Variants in OPRK1 observed in about 807,000 individuals in gnomAD.
OPRK1 encodes kappa-type opioid receptor.
Under a neutral mutation model 24.5 loss-of-function variants are expected in OPRK1, and 15 were observed. The observed-to-expected ratio is 0.61, with a 90% CI of 0.41 to 0.94. The LOEUF (loss-of-function observed/expected upper bound fraction) is 0.94. OPRK1 is among the 40% of genes least tolerant of loss of function. The pLI, the probability that OPRK1 is intolerant of heterozygous loss-of-function variation, is 0.00. For missense variants in OPRK1, 479 were observed against 507.3 expected, an observed-to-expected ratio of 0.94 and a Z score of 0.54; for synonymous variants, 205 against 198.0, an observed-to-expected ratio of 1.04 and a Z score of -0.30.
In OPRK1 at chr8:53,227,447, A is replaced by G. The variant is rs1033122416; in HGVS notation, c.*1850T>C. Reference sequence around the variant, plus strand: ...TTCACCAGGGCTTGTTTCTGGAACTATCCTCTATATAGATATCCTTCCTGT... The same window carrying G: ...TTCACCAGGGCTTGTTTCTGGAACTGTCCTCTATATAGATATCCTTCCTGT... On this transcript the variant is annotated 3_prime_UTR_variant, in exon 4 of 4. Coordinates refer to ENST00000265572, the MANE Select transcript of OPRK1 (RefSeq NM_000912.5). 1.3e-5 allele frequency: 2 copies of G among 152,200 alleles called. No individual in the cohort carries two copies. Among genetic ancestry groups the G allele is most frequent in the African/African-American group, 4.8e-5 (2 of 41,450 alleles). The allele number at this position is 152,200 out of a possible 1,614,324, so 9.4% of individuals were successfully genotyped here.
rs116004429 is a variant in OPRK1, at chr8:53,237,944, T to C, written c.258-2833A>G. On this transcript the variant is annotated intron_variant, in intron 2 of 3. Coordinates refer to ENST00000265572, the MANE Select transcript of OPRK1 (RefSeq NM_000912.5). ...AAGGCAGGGCCCCCTTCCAGGTTTC[T>C]GGAAGACACATGCTTATAAACCTAC... is the stretch of plus-strand genomic sequence containing the variant. Among the ~76,000 whole-genome samples, 712 of 152,306 alleles carry C rather than the reference T, an allele frequency of 4.7e-3. 6 individuals are homozygous for C. Among genetic ancestry groups the C allele is most frequent in the African/African-American group, 0.017 (686 of 41,566 alleles).
rs1168232712 is a variant in OPRK1, at chr8:53,227,333, A to C, written c.*1964T>G. On this transcript the variant is annotated 3_prime_UTR_variant, in exon 4 of 4. Coordinates refer to ENST00000265572, the MANE Select transcript of OPRK1 (RefSeq NM_000912.5). The stretch of plus-strand genomic sequence containing the variant: ...TACTGTGATTTCATCTCATAATCCT[A>C]TCTCTGTTATACTTTGCACTGGAAA... 1 of 151,968 alleles carries C rather than the reference A, an allele frequency of 6.6e-6. No homozygotes were observed. Among genetic ancestry groups the C allele is most frequent in the Non-Finnish European group, 1.5e-5 (1 of 67,996 alleles). The allele number at this position is 151,968 out of a possible 1,614,324, so 9.4% of individuals were successfully genotyped here.
intron 2 of OPRK1, among the ~76,000 whole-genome samples, chr8:53,237,961 T>A (rs1003986426): frequency 5.3e-5 from 8 of 152,280 alleles, no homozygotes; most frequent in African/African-American, 1.9e-4. Context: ...CACATGCTTA[T>A]AAACCTACAA....
chr8:53,232,752 T>C (rs1806886583), intron 3 of OPRK1, among the ~76,000 whole-genome samples: 2 of 152,148 alleles, frequency 1.3e-5, no homozygotes, highest in African/African-American at 2.4e-5. Context: ...AATTATAGAG[T>C]TAGTTCTAAT....
Position 53,228,538 on chromosome 8 carries a change from T to C in OPRK1, c.*759A>G, listed in dbSNP as rs1806770103. ...ATTTACAGAAGATACTATATATATA[T>C]TTTCAGTGGTATTCACACCACTTTA... On this transcript the variant is annotated 3_prime_UTR_variant, in exon 4 of 4. Coordinates refer to ENST00000265572, the MANE Select transcript of OPRK1 (RefSeq NM_000912.5). 1 of 152,190 alleles carries C rather than the reference T, an allele frequency of 6.6e-6. No individual in the cohort carries two copies. The highest frequency in any genetic ancestry group is 1.5e-5 in the Non-Finnish European group (1 of 68,024). 9.4% of individuals were successfully genotyped at this position (152,190 alleles called of 1,614,324 possible).
chr8:53,230,815 G>A (rs565219304), intron 3 of OPRK1, among the ~76,000 whole-genome samples: 14 of 152,220 alleles, frequency 9.2e-5, no homozygotes, highest in Admixed American at 7.2e-4. Flanking sequence ...CTTCCTCACA[G>A]ACAAGGTAGT....
At chr8:53,244,004 C>T (rs1440612828) in intron 2 of OPRK1, among the ~76,000 whole-genome samples, 2 of 152,048 alleles carry the variant, frequency 1.3e-5, no homozygotes, top group African/African-American at 4.8e-5. Flanking sequence ...CATGTATGTA[C>T]ACACAACTAC....
intron 2 of OPRK1, chr8:53,243,001 T>C: frequency 8.1e-7 from 1 of 1,228,410 alleles, no homozygotes; most frequent in South Asian, 1.4e-5. Flanking sequence ...AAGCCTTCCT[T>C]ATCCAAGACA....
At chr8:53,235,799 A>G (rs768472512) in intron 2 of OPRK1, among the ~76,000 whole-genome samples, 5 of 152,228 alleles carry the variant, frequency 3.3e-5, no homozygotes, top group Non-Finnish European at 7.3e-5. Context: ...TTTTCTAAGC[A>G]CGTAATATGT....
At chr8:53,236,422 T>C (rs1157226807) in intron 2 of OPRK1, among the ~76,000 whole-genome samples, 2 of 152,104 alleles carry the variant, frequency 1.3e-5, no homozygotes, top group Non-Finnish European at 2.9e-5. Flanking sequence ...GTGTTTGGGG[T>C]CAGCTGGGAA....
intron 2 of OPRK1, among the ~76,000 whole-genome samples, chr8:53,247,286 G>C (rs1585523513): frequency 6.6e-6 from 1 of 152,190 alleles, no homozygotes; most frequent in Non-Finnish European, 1.5e-5. Flanking sequence ...GAATGGATAA[G>C]AGCATAGGAT....
Position 53,226,014 on chromosome 8 carries a change from A to G in OPRK1, c.*3283T>C, listed in dbSNP as rs1301207282. 2 of 152,162 alleles carry G rather than the reference A, an allele frequency of 1.3e-5. No homozygotes were observed. The highest frequency in any genetic ancestry group is 2.9e-5 in the Non-Finnish European group (2 of 68,028). The allele number at this position is 152,162 out of a possible 1,614,324, so 9.4% of individuals were successfully genotyped here. On this transcript the variant is annotated 3_prime_UTR_variant, in exon 4 of 4. Transcript: ENST00000265572. ...ACAGCTTTCACTTTACAATGTTCCA[A>G]TTTAAAGTCAGCCAGTGTGCTCCCT...
At chr8:53,243,755 C>G (rs1234067233) in intron 2 of OPRK1, among the ~76,000 whole-genome samples, 1 of 152,186 alleles carries the variant, frequency 6.6e-6, no homozygotes, top group East Asian at 1.9e-4. Flanking sequence ...ATTTTTGCTA[C>G]ATTTGTATTA....
rs1036100225 is a variant in OPRK1, at chr8:53,250,795, C to T, written c.243G>A (p.Met81Ile). The T allele has an allele frequency of 2.5e-6, 4 of 1,609,228 alleles. No homozygotes were observed. Among genetic ancestry groups the T allele is most frequent in the African/African-American group, 1.3e-5 (1 of 74,226 alleles). ...VVGLVGNSLV[M>I]FVIIRYTKMK... ...CCCGCGCTCACCGGATGATCACGAA[C>T]ATGACCAGCGAGTTGCCCACCAAGC... Residue 81 changes from methionine to isoleucine, a missense_variant, in exon 2 of 4, where the codon ATG (methionine) becomes ATA (isoleucine). By Grantham distance (10) the Met-to-Ile change is conservative. Coordinates refer to ENST00000265572, the MANE Select transcript of OPRK1 (RefSeq NM_000912.5).
intron 2 of OPRK1, chr8:53,243,011 A>G (rs1807151936): frequency 8.3e-7 from 1 of 1,208,688 alleles, no homozygotes; most frequent in South Asian, 1.4e-5. Flanking sequence ...TATCCAAGAC[A>G]TAAACCAGCA....
intron 3 of OPRK1, among the ~76,000 whole-genome samples, chr8:53,231,690 G>A (rs1360456347): frequency 3.9e-5 from 6 of 152,144 alleles, no homozygotes; most frequent in Non-Finnish European, 5.9e-5. Context: ...GGCACCTAGG[G>A]TAGTACCTGG....
At position 53,228,634 on chromosome 8, in the gene OPRK1, G is replaced by C. The variant is rs972127752; in HGVS notation, c.*663C>G. 6.6e-6 allele frequency: 1 copy of C among 152,158 alleles called. No individual in the cohort carries two copies. The highest frequency in any genetic ancestry group is 1.5e-5 in the Non-Finnish European group (1 of 68,046). The allele number at this position is 152,158 out of a possible 1,614,324, so 9.4% of individuals were successfully genotyped here. A position where few individuals can be genotyped will look rare whatever the true frequency, so the allele number is the denominator to read the frequency against. On this transcript the variant is annotated 3_prime_UTR_variant, in exon 4 of 4. Coordinates refer to ENST00000265572, the MANE Select transcript of OPRK1 (RefSeq NM_000912.5). ...GAATAGCATGCTAAGAAAAAAAACT[G>C]TAGTTTTTGGGAAATTAAACCATGT...
Position 53,251,014 on chromosome 8 carries a change from G to T in OPRK1, c.24C>A (p.Phe8Leu). 6.4e-7 allele frequency: 1 copy of T among 1,569,088 alleles called. No homozygotes were observed. The highest frequency in any genetic ancestry group is 1.4e-5 in the African/African-American group (1 of 73,906). MDSPIQI[F>L]RGEPGPTCAP... ...CGCAGGTAGGGCCCGGCTCCCCGCGGAAGATCTGGATCGGGGAGTCCATGG... is the reference window on the plus strand; with the variant it reads ...CGCAGGTAGGGCCCGGCTCCCCGCGTAAGATCTGGATCGGGGAGTCCATGG... The change falls in exon 2 of 4, where the codon TTC becomes TTA. Residue 8 changes from phenylalanine to leucine, a missense_variant. Transcript: ENST00000265572.
rs1806727481 is a variant in OPRK1, at chr8:53,227,392, G to A, written c.*1905C>T. The stretch of plus-strand genomic sequence containing the variant: ...ACGAGAAAGTCTCTTGGGTTTTCCT[G>A]TTCCATAAAGAAGTTTTTATATTTC... On this transcript the variant is annotated 3_prime_UTR_variant, in exon 4 of 4. Coordinates refer to ENST00000265572, the MANE Select transcript of OPRK1 (RefSeq NM_000912.5). 6.6e-6 allele frequency: 1 copy of A among 151,642 alleles called. No homozygotes were observed. Among genetic ancestry groups the A allele is most frequent in the Non-Finnish European group, 1.5e-5 (1 of 68,032 alleles). 9.4% of individuals were successfully genotyped at this position (151,642 alleles called of 1,614,324 possible).
Sources: allele counts gnomAD v4.1 joint callset (sites outside exome capture counted in the v4.1 genomes callset), GRCh38; gene constraint gnomAD v4.1.1; transcripts MANE v1.5; gene names NCBI Gene and HGNC (gene_info 2026-07-23, HGNC 2026-07-21).